Variants in ADAM22 observed in about 807,000 individuals in gnomAD.
ADAM22 encodes the protein ADAM metallopeptidase domain 22, also known as disintegrin and metalloproteinase domain-containing protein 22.
ADAM22 carries 65 observed loss-of-function variants against 144.6 expected under a neutral mutation model. The observed-to-expected ratio is 0.45, with a 90% CI of 0.37 to 0.55. The LOEUF (loss-of-function observed/expected upper bound fraction) is 0.55, where lower values mean the gene tolerates loss of function less well. ADAM22 is among the 20% of genes least tolerant of loss of function. The pLI is 0.00. For synonymous variants in ADAM22, 391 were observed against 412.6 expected, an observed-to-expected ratio of 0.95 and a Z score of 0.63; for missense variants, 974 against 1,184.9, an observed-to-expected ratio of 0.82 and a Z score of 2.61.
chr7:88,102,068 G>T (rs980959421), intron 4 of ADAM22, among the ~76,000 whole-genome samples: 5 of 152,160 alleles, frequency 3.3e-5, no homozygotes, highest in Non-Finnish European at 7.3e-5. Flanking sequence ...TTGTAAAAGG[G>T]GGGAAATAAT....
chr7:88,069,508 T>C (rs1189301657), intron 3 of ADAM22, among the ~76,000 whole-genome samples: 1 of 152,220 alleles, frequency 6.6e-6, no homozygotes, highest in Admixed American at 6.6e-5. Context: ...TGATTTCCAC[T>C]TCGCCATTAG....
At chr7:88,074,084 A>G (rs915899755) in intron 3 of ADAM22, among the ~76,000 whole-genome samples, 2 of 152,200 alleles carry the variant, frequency 1.3e-5, no homozygotes, top group East Asian at 1.9e-4. Flanking sequence ...GGTAGAATCT[A>G]GGGATGCTAA....
chr7:88,142,196 C>G (rs968293815), intron 14 of ADAM22, among the ~76,000 whole-genome samples: 1 of 152,198 alleles, frequency 6.6e-6, no homozygotes, highest in African/African-American at 2.4e-5. Flanking sequence ...TACATAACCA[C>G]TATACAACCA....
chr7:88,134,297 A>G (rs1403635947), intron 12 of ADAM22, 32 bp from the exon 13 acceptor site: 2 of 1,505,064 alleles, frequency 1.3e-6, no homozygotes, highest in South Asian at 1.2e-5. Context: ...ATTTGGATTT[A>G]CATATATTTT....
At chr7:87,953,352 C>T (rs1035976529) in intron 2 of ADAM22, among the ~76,000 whole-genome samples, 14 of 151,976 alleles carry the variant, frequency 9.2e-5, no homozygotes, top group South Asian at 4.2e-4. Flanking sequence ...TGTTTGTTCT[C>T]GTTGGTTTCA....
intron 14 of ADAM22, among the ~76,000 whole-genome samples, chr7:88,140,836 G>C (rs893068983): frequency 6.6e-6 from 1 of 152,176 alleles, no homozygotes; most frequent in East Asian, 1.9e-4. Flanking sequence ...ACCCCTGCCT[G>C]AAAAAAGAAA....
intron 29 of ADAM22, among the ~76,000 whole-genome samples, chr7:88,182,837 C>T (rs967558406): frequency 6.6e-6 from 1 of 152,000 alleles, no homozygotes; most frequent in Admixed American, 6.6e-5. Flanking sequence ...CTTTTTTTAC[C>T]CATTCTATTT....
In ADAM22 at chr7:88,094,608, C is replaced by T. The variant is rs114054855; in HGVS notation, c.391-13568C>T. On this transcript the variant is annotated intron_variant, in intron 4 of 31. Coordinates refer to ENST00000413139, the MANE Select transcript of ADAM22 (RefSeq NM_001324418.2). ...TCCTACATTGGTCACTTTTTGCCTT[C>T]GTTTTCTCTTCTCTTGAAAATCTGG... Among the ~76,000 whole-genome samples the T allele has an allele frequency of 1.3e-3, 203 of 152,246 alleles. 1 individual carries two copies. The highest frequency in any genetic ancestry group is 4.7e-3 in the African/African-American group (196 of 41,556).
At chr7:87,954,028 G>C (rs891767190) in intron 2 of ADAM22, among the ~76,000 whole-genome samples, 1 of 151,882 alleles carries the variant, frequency 6.6e-6, no homozygotes, top group African/African-American at 2.4e-5. Flanking sequence ...TTTTGAGCCT[G>C]TGTGTGTCTC....
intron 5 of ADAM22, among the ~76,000 whole-genome samples, chr7:88,114,111 CT>C (rs1361991426): frequency 6.6e-6 from 1 of 152,148 alleles, no homozygotes; most frequent in African/African-American, 2.4e-5. Flanking sequence ...TGTGTTAGCT[CT>C]TGTTACTAGA....
intron 4 of ADAM22, among the ~76,000 whole-genome samples, chr7:88,079,380 C>T (rs996949004): frequency 3.0e-4 from 46 of 152,094 alleles, no homozygotes; most frequent in African/African-American, 8.9e-4. Flanking sequence ...CGGTACCAGC[C>T]GCTGCAAAAA....
chr7:88,068,166 T>G (rs572850528), intron 3 of ADAM22, among the ~76,000 whole-genome samples: 2 of 152,122 alleles, frequency 1.3e-5, no homozygotes, highest in Non-Finnish European at 2.9e-5. Context: ...GGAGGGTTGG[T>G]GCATGGCTAG....
intron 31 of ADAM22, among the ~76,000 whole-genome samples, chr7:88,193,569 C>T (rs1850068576): frequency 6.6e-6 from 1 of 152,286 alleles, no homozygotes; most frequent in South Asian, 2.1e-4. Flanking sequence ...CACTGTCTCA[C>T]AACATTCCTG....
intron 3 of ADAM22, among the ~76,000 whole-genome samples, chr7:87,989,744 C>T (rs1217891513): frequency 1.3e-5 from 2 of 152,034 alleles, no homozygotes; most frequent in African/African-American, 4.8e-5. Context: ...GGTGAAACCT[C>T]GTCTCTGCTA....
Position 88,130,813 on chromosome 7 carries a change from GAACTAAA to G in ADAM22, c.825+355_825+361del, listed in dbSNP as rs555187938. On this transcript the variant is annotated intron_variant, in intron 10 of 31. Transcript: ENST00000413139. ...AGTGCCTGGTGCTGTGGCAGTGATG[GAACTAAA>G]TAATTCCACTATACCTCCATACTTC... Among the ~76,000 whole-genome samples the G allele has an allele frequency of 6.6e-5, 10 of 152,234 alleles. No homozygotes were observed. In the East Asian group the frequency reaches 1.9e-3, roughly 29 times the overall value.
At chr7:88,130,483 T>C (rs1831488415) in intron 10 of ADAM22, 24 bp downstream of exon 10, 3 of 1,596,108 alleles carry the variant, frequency 1.9e-6, no homozygotes, top group Admixed American at 3.4e-5. Context: ...CCGTTCATTA[T>C]TGCCCTAGAA....
At chr7:88,065,218 C>T (rs2129477567) in intron 3 of ADAM22, among the ~76,000 whole-genome samples, 1 of 152,034 alleles carries the variant, frequency 6.6e-6, no homozygotes, top group Admixed American at 6.6e-5. Context: ...TTGTTACATT[C>T]TCTCTATATA....
chr7:88,034,057 C>T (rs1800924155), intron 3 of ADAM22, among the ~76,000 whole-genome samples: 1 of 152,066 alleles, frequency 6.6e-6, no homozygotes, highest in Admixed American at 6.5e-5. Flanking sequence ...CAAACTGGTA[C>T]CTAAGGTGCA....
chr7:88,000,873 A>C (rs1368904963), intron 3 of ADAM22, among the ~76,000 whole-genome samples: 1 of 152,188 alleles, frequency 6.6e-6, no homozygotes, highest in Non-Finnish European at 1.5e-5. Flanking sequence ...GGAATGACTA[A>C]GAGGAGAGAA....
Sources: gnomAD v4.1 joint callset for allele counts (sites outside exome capture counted in the v4.1 genomes callset) on GRCh38, gnomAD v4.1.1 for gene constraint, MANE v1.5 for transcripts, NCBI Gene and HGNC (gene_info 2026-07-23, HGNC 2026-07-21) for gene names.